The following ZNF641 variants were observed in gnomAD, a reference collection of about 807,000 sequenced individuals.
ZNF641 encodes zinc finger protein 641.
Under a neutral mutation model 46.2 loss-of-function variants are expected in ZNF641, and 26 were observed. The ratio of observed to expected loss-of-function variants is 0.56; its 90% CI spans 0.41 to 0.78. ZNF641 has a LOEUF of 0.78. Ranked by LOEUF, ZNF641 falls within the 30% of genes least tolerant of loss-of-function variation. The pLI is 0.00. For synonymous variants in ZNF641, 163 were observed against 187.9 expected (o/e 0.87, Z 1.09); for missense variants, 469 against 517.8 (o/e 0.91, Z 0.91).
chr12:48,335,588 C>T (rs998501473), downstream of ZNF641, among the ~76,000 whole-genome samples: 4 of 152,166 alleles, frequency 2.6e-5, no homozygotes, highest in African/African-American at 9.7e-5. Flanking sequence ...GCTAACGATG[C>T]TCATTTCAGA....
intron 1 of ZNF641, chr12:48,350,314 C>T (rs940944932): frequency 3.3e-6 from 4 of 1,206,052 alleles, no homozygotes; most frequent in Middle Eastern, 3.1e-4. Flanking sequence ...GAGTTGGCTC[C>T]GTCCATCAGA....
rs1952666582 is a variant in ZNF641 at position 48,339,192 on chromosome 12, A to C, written c.*3781T>G. ...GTTAAGAGTGGAAGAAGACCTTGCA[A>C]CTAAGGGGAATGGAACTGAGGTCTA... On this transcript the variant is annotated 3_prime_UTR_variant, in exon 6 of 6. Coordinates refer to ENST00000547026, the MANE Select transcript of ZNF641 (RefSeq NM_001172681.2). 2 of 152,158 alleles carry C rather than the reference A, an allele frequency of 1.3e-5. No individual in the cohort carries two copies. Among genetic ancestry groups the C allele is most frequent in the South Asian group, 4.1e-4 (2 of 4,824 alleles). The allele number at this position is 152,158 out of a possible 1,614,324, so 9.4% of individuals were successfully genotyped here.
At position 48,350,889 on chromosome 12, in the gene ZNF641, AGCGACAGGCGGAGACG is replaced by A; in HGVS notation, c.-145_-130del. On this transcript the variant is annotated 5_prime_UTR_variant, in exon 1 of 6. Transcript: ENST00000547026. ...CTGGGAGCCGGCGGCCGGCGGAGCC[AGCGACAGGCGGAGACG>A]GCGGCCCGGCAGGCGCGGGCGGGGC... 2.0e-6 allele frequency: 2 copies of A among 984,482 alleles called. No homozygotes were observed. The highest frequency in any genetic ancestry group is 2.4e-6 in the Non-Finnish European group (2 of 829,362). The allele number at this position is 984,482 out of a possible 1,614,324, so 61.0% of individuals were successfully genotyped here. A position where few individuals can be genotyped will look rare whatever the true frequency, so the allele number is the denominator to read the frequency against.
downstream of ZNF641, among the ~76,000 whole-genome samples, chr12:48,336,984 A>G (rs966713191): frequency 1.3e-5 from 2 of 152,150 alleles, no homozygotes; most frequent in Admixed American, 1.3e-4. Flanking sequence ...GGAGCATCAC[A>G]TGGGGACCAG....
chr12:48,339,147 A>G lies in ZNF641; in HGVS notation c.*3826T>C, dbSNP rs1483883114. 2.0e-5 allele frequency: 3 copies of G among 152,202 alleles called. No individual in the cohort carries two copies. The highest frequency in any genetic ancestry group is 7.2e-5 in the African/African-American group (3 of 41,440). 9.4% of individuals were successfully genotyped at this position (152,202 alleles called of 1,614,324 possible). On this transcript the variant is annotated 3_prime_UTR_variant, in exon 6 of 6. Coordinates refer to ENST00000547026, the MANE Select transcript of ZNF641 (RefSeq NM_001172681.2). ...ACCATAGTTTCTGATATTGGTGACTAGCCCCAGTTCTTTTACTGAGTTAAG... is the reference window on the plus strand; with the variant it reads ...ACCATAGTTTCTGATATTGGTGACTGGCCCCAGTTCTTTTACTGAGTTAAG...
chr12:48,340,933 C>G lies in ZNF641; in HGVS notation c.*2040G>C, dbSNP rs573961603. Reference sequence around the variant, plus strand: ...TGTTTCTGAGAAGCTAGGGCAAGACCTGCCTTACAAAGACCAGCCATTTTG... The same window carrying G: ...TGTTTCTGAGAAGCTAGGGCAAGACGTGCCTTACAAAGACCAGCCATTTTG... On this transcript the variant is annotated 3_prime_UTR_variant, in exon 6 of 6. Coordinates refer to ENST00000547026, the MANE Select transcript of ZNF641 (RefSeq NM_001172681.2). 1 of 985,444 alleles carries G rather than the reference C, an allele frequency of 1.0e-6. No individual in the cohort carries two copies. The highest frequency in any genetic ancestry group is 6.1e-5 in the Admixed American group (1 of 16,284). The allele number at this position is 985,444 out of a possible 1,614,324, so 61.0% of individuals were successfully genotyped here. A position where few individuals can be genotyped will look rare whatever the true frequency, so the allele number is the denominator to read the frequency against.
At chr12:48,345,525 G>A (rs373809150) in intron 3 of ZNF641, 51 bp from the exon 4 acceptor site, 221 of 1,611,096 alleles carry the variant, frequency 1.4e-4, no homozygotes, top group Non-Finnish European at 1.8e-4. Context: ...TAAGGAAAAT[G>A]TGATTCAGTA....
At position 48,340,933 on chromosome 12, in the gene ZNF641, C is replaced by T. The variant is rs573961603; in HGVS notation, c.*2040G>A. 1.0e-6 allele frequency: 1 copy of T among 985,326 alleles called. No individual in the cohort carries two copies. Among genetic ancestry groups the T allele is most frequent in the African/African-American group, 1.7e-5 (1 of 57,214 alleles). 61.0% of individuals were successfully genotyped at this position (985,326 alleles called of 1,614,324 possible). A position where few individuals can be genotyped will look rare whatever the true frequency, so the allele number is the denominator to read the frequency against. The stretch of plus-strand genomic sequence containing the variant: ...TGTTTCTGAGAAGCTAGGGCAAGAC[C>T]TGCCTTACAAAGACCAGCCATTTTG... On this transcript the variant is annotated 3_prime_UTR_variant, in exon 6 of 6. Coordinates refer to ENST00000547026, the MANE Select transcript of ZNF641 (RefSeq NM_001172681.2).
chr12:48,350,028 A>G (rs1191850103), intron 1 of ZNF641: 1 of 1,614,218 alleles, frequency 6.2e-7, no homozygotes, highest in Admixed American at 1.7e-5. Flanking sequence ...AAATCTCAGC[A>G]AAGGATGGGA....
Position 48,344,615 on chromosome 12 carries a change from C to T in ZNF641, c.504G>A (p.Leu168=), listed in dbSNP as rs745534442. The T allele has an allele frequency of 3.1e-6, 5 of 1,612,390 alleles. No individual in the cohort carries two copies. The South Asian group carries it at 5.5e-5, about 18-fold the overall frequency. ...DPQDLEERDI[L]RVTYTGDGSE... ...GGTTCTTACCTGTATATGTGACCCT[C>T]AGAATGTCCCTCTCCTCTAAGTCCT... Residue 168 remains leucine, a synonymous_variant, in exon 5 of 6, where the codon CTG becomes CTA. Coordinates refer to ENST00000547026, the MANE Select transcript of ZNF641 (RefSeq NM_001172681.2).
downstream of ZNF641, among the ~76,000 whole-genome samples, chr12:48,335,274 G>A (rs958419554): frequency 1.1e-4 from 16 of 152,148 alleles, no homozygotes; most frequent in African/African-American, 3.9e-4. Context: ...TTACTCTCTG[G>A]TGTCTGCTTG....
intron 4 of ZNF641, 119 bp downstream of exon 4, chr12:48,345,226 A>G: frequency 8.6e-7 from 1 of 1,159,614 alleles, no homozygotes; most frequent in African/African-American, 1.5e-5. Flanking sequence ...CAGCGGAAGC[A>G]TAGACAGATT....
At chr12:48,346,324 G>A (rs1952870071) in intron 3 of ZNF641, among the ~76,000 whole-genome samples, 1 of 151,982 alleles carries the variant, frequency 6.6e-6, no homozygotes, top group African/African-American at 2.4e-5. Context: ...ATCTCTCCCT[G>A]CCCCATTTCC....
chr12:48,350,955 C>T (rs1411232235), upstream of ZNF641: 24 of 699,604 alleles, frequency 3.4e-5, no homozygotes, highest in Non-Finnish European at 3.5e-5. Flanking sequence ...AAATCCCCGC[C>T]CGCTTCCGGG....
intron 5 of ZNF641, 60 bp downstream of exon 5, chr12:48,344,539 T>C (rs531604500): frequency 4.4e-6 from 5 of 1,124,414 alleles, no homozygotes; most frequent in African/African-American, 3.1e-5. Flanking sequence ...TAAACGAACA[T>C]GGAATGATGA....
chr12:48,350,138 G>A, intron 1 of ZNF641: 4 of 1,611,616 alleles, frequency 2.5e-6, no homozygotes, highest in Non-Finnish European at 3.4e-6. Context: ...CCTGGTTCCA[G>A]GATGATCCCA....
At chr12:48,345,781 T>C (rs1327095596) in intron 3 of ZNF641, among the ~76,000 whole-genome samples, 1 of 152,144 alleles carries the variant, frequency 6.6e-6, no homozygotes, top group East Asian at 1.9e-4. Flanking sequence ...CTCAGTCACT[T>C]CTCCCTGGCC....
chr12:48,344,701 G>T lies in ZNF641; in HGVS notation c.418C>A (p.Pro140Thr). 6.2e-7 allele frequency: 1 copy of T among 1,608,710 alleles called. No homozygotes were observed. Among genetic ancestry groups the T allele is most frequent in the Non-Finnish European group, 8.5e-7 (1 of 1,177,480 alleles). ...AGTTGAGAAAGCATGTCCAGTTTGG[G>T]AATTGGAAATCCTGCTCATGGGAAA... ...GIVVSLRFPI[P>T]KLDMLSQLEG... The change falls in exon 5 of 6, where the codon CCC (proline) becomes ACC (threonine). Residue 140 changes from proline to threonine, a missense_variant. Physicochemically the swap from Pro to Thr is conservative, Grantham distance 38. Around this residue, in one of 3 missense-constraint regions of ZNF641, gnomAD observed 346 missense variants for 354.0 expected, o/e 0.98. Coordinates refer to ENST00000547026, the MANE Select transcript of ZNF641 (RefSeq NM_001172681.2).
intron 3 of ZNF641, 100 bp downstream of exon 3, chr12:48,347,152 T>C: frequency 6.3e-7 from 1 of 1,594,510 alleles, no homozygotes; most frequent in Non-Finnish European, 8.5e-7. Flanking sequence ...AACATACCAT[T>C]GATGATCATG....
Sources: gnomAD v4.1 joint callset for allele counts (sites outside exome capture counted in the v4.1 genomes callset) on GRCh38, gnomAD v4.1.1 for gene constraint, gnomAD v4.1.1 regional missense constraint, MANE v1.5 for transcripts, NCBI Gene and HGNC (gene_info 2026-07-23, HGNC 2026-07-21) for gene names.